The following MUC4 variants were observed in gnomAD, a reference collection of about 807,000 sequenced individuals.
MUC4 encodes the protein mucin 4, cell surface associated.
In MUC4, 202 loss-of-function variants were observed where a neutral mutation model predicts 257.9. The observed-to-expected ratio is 0.78, with a 90% CI of 0.70 to 0.88. The LOEUF is 0.88. Ranked by LOEUF, MUC4 falls within the 40% of genes least tolerant of loss-of-function variation. The pLI, the probability that MUC4 is intolerant of heterozygous loss-of-function variation, is 0.00. For synonymous variants in MUC4, 2,351 were observed against 2,757.1 expected (o/e 0.85, Z 4.62); for missense variants, 5,976 against 6,513.7 (o/e 0.92, Z 2.84).
chr3:195,764,269 AGAGCTTGGCAGGGCAGGGCG>A (rs1275208644), intron 10 of MUC4, 105 bp from the exon 11 acceptor site: 20 of 1,286,572 alleles, frequency 1.6e-5, no homozygotes, highest in East Asian at 5.2e-5. Flanking sequence ...GTGTTGGTGG[AGAGCTTGGCAGGGCAGGGCG>A]GTGTTGGTGG....
In MUC4 at chr3:195,811,914, G is replaced by A. The variant is rs1560429948; in HGVS notation, c.-97C>T. 8.0e-7 allele frequency: 1 copy of A among 1,248,658 alleles called. No individual in the cohort carries two copies. 77.3% of individuals were successfully genotyped at this position (1,248,658 alleles called of 1,614,324 possible). A position where few individuals can be genotyped will look rare whatever the true frequency, so the allele number is the denominator to read the frequency against. Reference sequence around the variant, plus strand: ...CGTGAGCCCGTCCCCTCAGGCGGCTGGCCCGAACCAAGTGCGTTTCTCCGA... The same window carrying A: ...CGTGAGCCCGTCCCCTCAGGCGGCTAGCCCGAACCAAGTGCGTTTCTCCGA... On this transcript the variant is annotated 5_prime_UTR_variant, in exon 1 of 25. Coordinates refer to ENST00000463781, the MANE Select transcript of MUC4 (RefSeq NM_018406.7).
chr3:195,746,897 T>C lies in MUC4; in HGVS notation c.*279A>G, dbSNP rs1715137721. The C allele has an allele frequency of 1.9e-6, 1 of 538,820 alleles. No individual in the cohort carries two copies. The highest frequency in any genetic ancestry group is 3.3e-6 in the Non-Finnish European group (1 of 303,618). The allele number at this position is 538,820 out of a possible 1,614,324, so 33.4% of individuals were successfully genotyped here. ...CACATTATGAACTCGTGTGTGTGTG[T>C]GTGTGTGTGCACGCGCGCGTGCACA... is the stretch of plus-strand genomic sequence containing the variant. On this transcript the variant is annotated 3_prime_UTR_variant, in exon 25 of 25. Transcript: ENST00000463781.
Position 195,788,033 on chromosome 3 carries a change from T to G in MUC4, c.3547A>C (p.Thr1183Pro), listed in dbSNP as rs537836678. 10 of 1,442,992 alleles carry G rather than the reference T, an allele frequency of 6.9e-6. No individual in the cohort carries two copies. The highest frequency in any genetic ancestry group is 9.2e-6 in the Non-Finnish European group (10 of 1,086,676). The allele number at this position is 1,442,992 out of a possible 1,614,324, so 89.4% of individuals were successfully genotyped here. The change falls in exon 2 of 25, where the codon ACG becomes CCG. Residue 1183 changes from threonine (T) to proline (P), a missense_variant. This residue lies in a region of MUC4 where 90 missense variants were observed against 106.2 expected (regional missense o/e 0.85). Transcript: ENST00000463781. ...GAAGGGCTAGTGACAGGAAGAGGCG[T>G]GGTGTCACCTGTGGATACTGAGGAA... ...SLSSVSTGDT[T>P]PLPVTSPSSA...
Position 195,783,858 on chromosome 3 carries a change from G to A in MUC4, c.7722C>T (p.Ala2574=), listed in dbSNP as rs1231826723. 4.6e-6 allele frequency: 7 copies of A among 1,508,498 alleles called. No individual in the cohort carries two copies. Among genetic ancestry groups the A allele is most frequent in the Non-Finnish European group, 5.3e-6 (6 of 1,121,500 alleles). 93.4% of individuals were successfully genotyped at this position (1,508,498 alleles called of 1,614,324 possible). ...AAGTGCTGGTGACAGGAAGAGGGGT[G>A]GCGTGACCTGTGGATGCTGCGGAAG... is the stretch of plus-strand genomic sequence containing the variant. ...TDTSAASTGH[A]TPLPVTSTSS... Residue 2574 remains alanine, a synonymous_variant, in exon 2 of 25, where the codon GCC becomes GCT. Coordinates refer to ENST00000463781, the MANE Select transcript of MUC4 (RefSeq NM_018406.7).
intron 1 of MUC4, among the ~76,000 whole-genome samples, chr3:195,802,838 A>C (rs951966953): frequency 6.6e-6 from 1 of 152,094 alleles, no homozygotes; most frequent in African/African-American, 2.4e-5. Flanking sequence ...TTAAATTCAA[A>C]ATGCATTTTA....
At chr3:195,773,226 A>C (rs1271084619) in intron 4 of MUC4, among the ~76,000 whole-genome samples, 11 of 87,898 alleles carry the variant, frequency 1.3e-4, no homozygotes, top group Non-Finnish European at 1.8e-4. Flanking sequence ...ACCTCTCTCT[A>C]TCACTCAGCA....
rs370125101 is a variant in MUC4, at chr3:195,762,274, C to T, written c.14345-20G>A. On this transcript the variant is annotated intron_variant, in intron 13 of 24. Transcript: ENST00000463781. ...CCTGGCCTGGAGCATCGGGAGGCAG[C>T]GGAGAGGAAGCCAGGTCGGCACCAC... The T allele has an allele frequency of 2.7e-5, 42 of 1,556,856 alleles. No individual in the cohort carries two copies. The African/African-American group carries it at 4.6e-4, about 17-fold the overall frequency.
At chr3:195,754,968 A>ATGTATCCATGTG in intron 18 of MUC4, among the ~76,000 whole-genome samples, 1 of 152,030 alleles carries the variant, frequency 6.6e-6, no homozygotes, top group East Asian at 1.9e-4. Flanking sequence ...CCATGTGTGT[A>ATGTATCCATGTG]TGTATCCATG....
At position 195,752,370 on chromosome 3, in the gene MUC4, G is replaced by T. The variant is rs762502575; in HGVS notation, c.15582+3C>A. On this transcript the variant is annotated splice_donor_region_variant and intron_variant, in intron 21 of 24. Transcript: ENST00000463781. The stretch of plus-strand genomic sequence containing the variant: ...CACCCAGAGCGCGGCCTGCAGCACT[G>T]ACCGAGGCGTTGACTTCTGCCATGG... 1.2e-6 allele frequency: 2 copies of T among 1,612,532 alleles called. No individual in the cohort carries two copies. Among genetic ancestry groups the T allele is most frequent in the Non-Finnish European group, 1.7e-6 (2 of 1,178,484 alleles).
chr3:195,746,963 T>A lies in MUC4; in HGVS notation c.*213A>T. 2 of 693,564 alleles carry A rather than the reference T, an allele frequency of 2.9e-6. No individual in the cohort carries two copies. Among genetic ancestry groups the A allele is most frequent in the Non-Finnish European group, 4.8e-6 (2 of 418,440 alleles). 43.0% of individuals were successfully genotyped at this position (693,564 alleles called of 1,614,324 possible). ...GTGGGTGTGTCTGCGTGAGGACCCA[T>A]CCATGCATGTTTGATCTTTATGGCC... On this transcript the variant is annotated 3_prime_UTR_variant, in exon 25 of 25. Transcript: ENST00000463781.
intron 3 of MUC4, among the ~76,000 whole-genome samples, chr3:195,774,901 CAAA>C (rs10666795): frequency 8.4e-6 from 1 of 118,556 alleles, no homozygotes; most frequent in Admixed American, 9.0e-5. Flanking sequence ...AACTCCATCT[CAAA>C]AAAAAAAAAA....
chr3:195,809,378 C>T lies in MUC4; in HGVS notation c.82+2358G>A, dbSNP rs554877236. ...AACCCCTTCAGGGAGCCAAAAGGAA[C>T]GGGGCTGGCTGGCTGCCAGTCCTCC... On this transcript the variant is annotated intron_variant, in intron 1 of 24. Transcript: ENST00000463781. Among the ~76,000 whole-genome samples, 486 of 152,288 alleles carry T rather than the reference C, an allele frequency of 3.2e-3. 3 individuals carry two copies. The highest frequency in any genetic ancestry group is 0.011 in the African/African-American group (464 of 41,556).
chr3:195,761,650 C>A, intron 14 of MUC4, 65 bp from the exon 15 acceptor site: 2 of 1,307,092 alleles, frequency 1.5e-6, no homozygotes, highest in Non-Finnish European at 2.2e-6. Context: ...GGGGAGCATC[C>A]GGCGGACGCA....
chr3:195,767,359 G>GCCA (rs572527030), intron 7 of MUC4, among the ~76,000 whole-genome samples: 227 of 148,750 alleles, frequency 1.5e-3, no homozygotes, highest in African/African-American at 4.0e-3. Flanking sequence ...TGCCACTGCT[G>GCCA]CTACCACCAC....
Position 195,811,908 on chromosome 3 carries a change from G to T in MUC4, c.-91C>A. ...AGCAGACGTGAGCCCGTCCCCTCAGGCGGCTGGCCCGAACCAAGTGCGTTT... is the reference window on the plus strand; with the variant it reads ...AGCAGACGTGAGCCCGTCCCCTCAGTCGGCTGGCCCGAACCAAGTGCGTTT... On this transcript the variant is annotated 5_prime_UTR_variant, in exon 1 of 25. Coordinates refer to ENST00000463781, the MANE Select transcript of MUC4 (RefSeq NM_018406.7). 7.6e-7 allele frequency: 1 copy of T among 1,323,614 alleles called. No individual in the cohort carries two copies. The highest frequency in any genetic ancestry group is 1.3e-5 in the South Asian group (1 of 76,476). 82.0% of individuals were successfully genotyped at this position (1,323,614 alleles called of 1,614,324 possible). A position where few individuals can be genotyped will look rare whatever the true frequency, so the allele number is the denominator to read the frequency against.
intron 7 of MUC4, among the ~76,000 whole-genome samples, chr3:195,767,779 CACCACCATCATT>C (rs2148840461): frequency 7.6e-6 from 1 of 131,766 alleles, no homozygotes; most frequent in East Asian, 3.1e-4. Context: ...CCACCACCAT[CACCACCATCATT>C]GCCACCACCA....
Position 195,791,148 on chromosome 3 carries a change from T to C in MUC4, c.432A>G (p.Thr144=). The C allele has an allele frequency of 6.2e-7, 1 of 1,613,992 alleles. No homozygotes were observed. Among genetic ancestry groups the C allele is most frequent in the Admixed American group, 1.7e-5 (1 of 60,018 alleles). The change falls in exon 2 of 25, where the codon ACA becomes ACG. Residue 144 remains threonine, a synonymous_variant. Transcript: ENST00000463781. The part of the protein sequence containing the change: ...TSKTITMTTS[T]DSTLGNTEET... Reference sequence around the variant, plus strand: ...CTTCTGTGTTTCCAAGAGTGGAGTCTGTGGAGGTTGTCATTGTTATAGTCT... The same window carrying C: ...CTTCTGTGTTTCCAAGAGTGGAGTCCGTGGAGGTTGTCATTGTTATAGTCT...
rs202242101 is a variant in MUC4, at chr3:195,753,114, G to A, written c.15445C>T (p.Pro5149Ser). 6.2e-7 allele frequency: 1 copy of A among 1,612,636 alleles called. No homozygotes were observed. The highest frequency in any genetic ancestry group is 8.5e-7 in the Non-Finnish European group (1 of 1,179,616). ...LGCQPMCTCP[P>S]AFTDSRCFLA... ...AAGCAGCGGCTGTCAGTGAAGGCTGGGGGGCAGGTGCACATGGGCTGACAG... is the reference window on the plus strand; with the variant it reads ...AAGCAGCGGCTGTCAGTGAAGGCTGAGGGGCAGGTGCACATGGGCTGACAG... Residue 5149 changes from proline (P) to serine (S), a missense_variant, in exon 20 of 25, where the codon CCA (proline) becomes TCA (serine). By Grantham distance (74) the Pro-to-Ser change is moderately conservative. Transcript: ENST00000463781.
chr3:195,754,053 TGATTTCCCACACCTGCCTA>T (rs1275399465), intron 19 of MUC4, 141 bp downstream of exon 19: 187 of 1,010,328 alleles, frequency 1.9e-4, no homozygotes, highest in South Asian at 5.8e-4. Flanking sequence ...CCTGCCTAGA[TGATTTCCCACACCTGCCTA>T]GATTTCCCAC....
Sources: gnomAD v4.1 joint callset for allele counts (sites outside exome capture counted in the v4.1 genomes callset) on GRCh38, gnomAD v4.1.1 for gene constraint, gnomAD v4.1.1 regional missense constraint, MANE v1.5 for transcripts, NCBI Gene and HGNC (gene_info 2026-07-23, HGNC 2026-07-21) for gene names.